Variants in TYW1B observed in about 807,000 individuals in gnomAD.
TYW1B encodes the protein S-adenosyl-L-methionine-dependent tRNA 4-demethylwyosine synthase TYW1B.
Under a neutral mutation model 86.9 loss-of-function variants are expected in TYW1B, and 73 were observed. The observed-to-expected ratio is 0.84, with a 90% confidence interval of 0.70 to 1.02. The LOEUF (loss-of-function observed/expected upper bound fraction) is 1.02. TYW1B is among the 50% of genes least tolerant of loss of function. TYW1B has a pLI of 0.00. For synonymous variants in TYW1B, 248 were observed against 292.8 expected, an observed-to-expected ratio of 0.85 and a Z score of 1.56; for missense variants, 637 against 827.4, an observed-to-expected ratio of 0.77 and a Z score of 2.82.
chr7:72,759,877 C>G (rs1230519726), intron 7 of TYW1B, among the ~76,000 whole-genome samples: 1 of 152,102 alleles, frequency 6.6e-6, no homozygotes, highest in African/African-American at 2.4e-5. Flanking sequence ...GGTGATGAAA[C>G]ACTTAATTGA....
chr7:72,671,707 AG>A, intron 11 of TYW1B, among the ~76,000 whole-genome samples: 1 of 152,082 alleles, frequency 6.6e-6, no homozygotes, highest in South Asian at 2.1e-4. Flanking sequence ...ATTGGCTTAT[AG>A]GTCTTTATTT....
intron 2 of TYW1B, among the ~76,000 whole-genome samples, chr7:72,816,936 G>C (rs1380996638): frequency 6.6e-6 from 1 of 152,058 alleles, no homozygotes; most frequent in Non-Finnish European, 1.5e-5. Flanking sequence ...TAATAAACCA[G>C]TAAACATAAG....
At chr7:72,624,888 T>C (rs1812304585) in intron 12 of TYW1B, among the ~76,000 whole-genome samples, 2 of 152,048 alleles carry the variant, frequency 1.3e-5, no homozygotes, top group Admixed American at 1.3e-4. Context: ...CAAGACCCTG[T>C]CTCTACAAAA....
intron 13 of TYW1B, among the ~76,000 whole-genome samples, chr7:72,593,769 C>A (rs1188480783): frequency 7.4e-6 from 1 of 135,168 alleles, no homozygotes; most frequent in Non-Finnish European, 1.5e-5. Context: ...TTGCAGTGAG[C>A]TGAGATCACG....
chr7:72,744,906 T>G (rs1384125828), intron 7 of TYW1B, among the ~76,000 whole-genome samples: 1 of 152,236 alleles, frequency 6.6e-6, no homozygotes, highest in Middle Eastern at 3.2e-3. Context: ...CAATAGTATA[T>G]AATGCTAGGA....
intron 7 of TYW1B, among the ~76,000 whole-genome samples, chr7:72,774,305 T>C (rs1366307471): frequency 6.6e-6 from 1 of 150,750 alleles, no homozygotes; most frequent in Non-Finnish European, 1.5e-5. Flanking sequence ...AGCCGGCTCT[T>C]GTCTCACCTA....
At chr7:72,597,966 G>C (rs1361649683) in intron 13 of TYW1B, among the ~76,000 whole-genome samples, 1 of 152,100 alleles carries the variant, frequency 6.6e-6, no homozygotes, top group Non-Finnish European at 1.5e-5. Context: ...AGTACAGAAA[G>C]GAAAAAGAAC....
chr7:72,713,136 T>A (rs1160535952), intron 10 of TYW1B, among the ~76,000 whole-genome samples: 4 of 141,496 alleles, frequency 2.8e-5, no homozygotes, highest in Non-Finnish European at 3.1e-5. Context: ...CCATCTCTAT[T>A]AAAAAAAAAA....
intron 7 of TYW1B, among the ~76,000 whole-genome samples, chr7:72,774,062 C>CAAAAAAA (rs35480783): frequency 7.3e-5 from 4 of 54,840 alleles, no homozygotes; most frequent in African/African-American, 1.7e-4. Flanking sequence ...AACTCCATCT[C>CAAAAAAA]AAAAAAAAAA....
intron 11 of TYW1B, among the ~76,000 whole-genome samples, chr7:72,678,200 A>T (rs1813778729): frequency 6.6e-6 from 1 of 152,162 alleles, no homozygotes; most frequent in African/African-American, 2.4e-5. Flanking sequence ...TCACAGTTGA[A>T]AGGAAATAAA....
At chr7:72,657,843 A>G (rs1436593201) in intron 11 of TYW1B, among the ~76,000 whole-genome samples, 4 of 152,228 alleles carry the variant, frequency 2.6e-5, no homozygotes, top group African/African-American at 7.2e-5. Context: ...AGGGAGTCCT[A>G]TATCTGGAAG....
intron 6 of TYW1B, among the ~76,000 whole-genome samples, chr7:72,788,051 C>G (rs1788158957): frequency 6.6e-6 from 1 of 151,910 alleles, no homozygotes. Flanking sequence ...GATCTCGGCT[C>G]ACTGCAAGCT....
intron 13 of TYW1B, among the ~76,000 whole-genome samples, chr7:72,598,598 T>C (rs1811588345): frequency 1.3e-5 from 2 of 152,224 alleles, no homozygotes; most frequent in South Asian, 4.2e-4. Flanking sequence ...GGAAGAAACA[T>C]GAAGAAAAAT....
intron 1 of TYW1B, among the ~76,000 whole-genome samples, chr7:72,827,847 G>A (rs1788966640): frequency 6.6e-6 from 1 of 152,196 alleles, no homozygotes. Context: ...CGTGGGTAAA[G>A]TGGGAGGGGT....
chr7:72,756,934 A>G (rs899666622), intron 7 of TYW1B, among the ~76,000 whole-genome samples: 1 of 152,200 alleles, frequency 6.6e-6, no homozygotes, highest in Admixed American at 6.6e-5. Context: ...TCTAAGAGAT[A>G]CCACCTGATA....
chr7:72,609,163 A>G (rs1478343847), intron 13 of TYW1B, among the ~76,000 whole-genome samples: 4 of 152,194 alleles, frequency 2.6e-5, no homozygotes, highest in African/African-American at 7.2e-5. Flanking sequence ...CTTGGTATTC[A>G]GTTTTCTTTT....
At position 72,616,837 on chromosome 7, in the gene TYW1B, G is replaced by A. The variant is rs368018822; in HGVS notation, c.1620C>T (p.Gly540=). 299 of 1,613,976 alleles carry A rather than the reference G, an allele frequency of 1.9e-4. No individual in the cohort carries two copies. Among genetic ancestry groups the A allele is most frequent in the Non-Finnish European group, 2.3e-4 (277 of 1,180,004 alleles). ...CTGAACTTTCTCTGCAGTAGGTAAC[G>A]CCCTGTGGAAACAGTATAACCATCA... ...LGNPDFIEVK[G]VTYCRESSAS... Residue 540 remains glycine, a splice_region_variant and synonymous_variant, in exon 13 of 14, where the codon GGC becomes GGT. Coordinates refer to ENST00000620995, the MANE Select transcript of TYW1B (RefSeq NM_001145440.3).
At chr7:72,753,079 G>A (rs1554465395) in intron 7 of TYW1B, among the ~76,000 whole-genome samples, 1 of 151,154 alleles carries the variant, frequency 6.6e-6, no homozygotes, top group East Asian at 1.9e-4. Flanking sequence ...ATATCAATAT[G>A]AACTGTATTT....
chr7:72,794,236 C>A (rs1190807226), intron 6 of TYW1B, among the ~76,000 whole-genome samples: 1 of 152,040 alleles, frequency 6.6e-6, no homozygotes, highest in Non-Finnish European at 1.5e-5. Context: ...AGGGACAGGG[C>A]ACAGAGGAGG....
Sources: gnomAD v4.1 joint callset for allele counts (sites outside exome capture counted in the v4.1 genomes callset) on GRCh38, gnomAD v4.1.1 for gene constraint, MANE v1.5 for transcripts, NCBI Gene and HGNC (gene_info 2026-07-23, HGNC 2026-07-21) for gene names.